The following TNKS variants were observed in gnomAD, a reference collection of about 807,000 sequenced individuals.
TNKS encodes the protein poly [ADP-ribose] polymerase tankyrase-1.
In TNKS, 72 loss-of-function variants were observed where a neutral mutation model predicts 135.8. That is an observed-to-expected ratio of 0.53 (90% confidence interval 0.44 to 0.64). The LOEUF (loss-of-function observed/expected upper bound fraction) is 0.64. Among genes scored for constraint, TNKS ranks in the 30% least tolerant of loss-of-function variants. The pLI, the probability that TNKS is intolerant of heterozygous loss-of-function variation, is 0.00. For missense variants in TNKS, 1,769 were observed against 1,674.0 expected (o/e 1.06, Z -0.99); for synonymous variants, 849 against 649.3 (o/e 1.31, Z -4.68).
intron 3 of TNKS, among the ~76,000 whole-genome samples, chr8:9,668,616 G>A (rs1199735655): frequency 1.3e-5 from 2 of 152,246 alleles, no homozygotes; most frequent in Non-Finnish European, 2.9e-5. Context: ...CCCTTTGACA[G>A]TGTTTTTAAC....
rs568065151 is a variant in TNKS at position 9,574,924 on chromosome 8, C to G, written c.674-5235C>G. ...CTTGTCTGAGAACCTAGATATGAGG[C>G]TTAGAAATATAGCACTCTTGTGACT... On this transcript the variant is annotated intron_variant, in intron 1 of 26. Coordinates refer to ENST00000310430, the MANE Select transcript of TNKS (RefSeq NM_003747.3). 1,372 of 544,660 alleles carry G rather than the reference C, an allele frequency of 2.5e-3. 4 individuals carry two copies. The highest frequency in any genetic ancestry group is 3.0e-3 in the Non-Finnish European group (1,273 of 427,758). The allele number at this position is 544,660 out of a possible 1,614,324, so 33.7% of individuals were successfully genotyped here. A position where few individuals can be genotyped will look rare whatever the true frequency, so the allele number is the denominator to read the frequency against.
intron 2 of TNKS, among the ~76,000 whole-genome samples, chr8:9,588,342 T>C (rs933887040): frequency 3.9e-5 from 6 of 152,140 alleles, no homozygotes; most frequent in Non-Finnish European, 8.8e-5. Context: ...TGGCGGGATC[T>C]AGGCTCACTG....
chr8:9,597,383 G>T (rs951778458), intron 2 of TNKS, among the ~76,000 whole-genome samples: 5 of 152,212 alleles, frequency 3.3e-5, no homozygotes, highest in Non-Finnish European at 7.3e-5. Context: ...CTCAATCAAA[G>T]CTCAGTGAAG....
chr8:9,572,952 G>A (rs1797812235), intron 1 of TNKS, among the ~76,000 whole-genome samples: 1 of 152,012 alleles, frequency 6.6e-6, no homozygotes, highest in Admixed American at 6.6e-5. Context: ...TCATTGTTAA[G>A]AATTTTTGTT....
In TNKS at chr8:9,727,230, G is replaced by C. The variant is rs185550533; in HGVS notation, c.2001+510G>C. 2.6e-5 allele frequency among the ~76,000 whole-genome samples: 4 copies of C among 152,254 alleles called. No individual in the cohort carries two copies. The South Asian group carries it at 8.3e-4, about 32-fold the overall frequency. ...TATGCAGAAGATAGATTTTTTCCCT[G>C]TGTAGCTCTACTTGCTTCAAAAATT... On this transcript the variant is annotated intron_variant, in intron 13 of 26. Transcript: ENST00000310430.
At chr8:9,649,204 A>G (rs1189889437) in intron 3 of TNKS, among the ~76,000 whole-genome samples, 3 of 152,240 alleles carry the variant, frequency 2.0e-5, no homozygotes. Flanking sequence ...AGTTTTGAGC[A>G]CAGAGCTACT....
At chr8:9,577,100 G>A (rs965016707) in intron 1 of TNKS, among the ~76,000 whole-genome samples, 9 of 149,512 alleles carry the variant, frequency 6.0e-5, no homozygotes, top group Non-Finnish European at 1.2e-4. Flanking sequence ...ACTGAAAAAT[G>A]TAAATAACAA....
chr8:9,706,331 G>A (rs558698648), intron 7 of TNKS, 78 bp downstream of exon 7: 38 of 1,146,424 alleles, frequency 3.3e-5, no homozygotes, highest in Admixed American at 1.3e-4. Context: ...CCATACTTTC[G>A]GCCTCATGAA....
intron 3 of TNKS, among the ~76,000 whole-genome samples, chr8:9,672,681 TACACACAC>T (rs60210743): frequency 4.7e-5 from 4 of 84,672 alleles, no homozygotes; most frequent in East Asian, 4.0e-4. Context: ...AAAAAACACA[TACACACAC>T]ACACACACAC....
At chr8:9,753,144 C>A (rs949804755) in intron 20 of TNKS, among the ~76,000 whole-genome samples, 1 of 152,144 alleles carries the variant, frequency 6.6e-6, no homozygotes, top group Non-Finnish European at 1.5e-5. Context: ...TATAAGCAGT[C>A]TAGCACTATG....
rs113809226 is a variant in TNKS at position 9,763,422 on chromosome 8, A to C, written c.3372+178A>C. 1.4e-4 allele frequency among the ~76,000 whole-genome samples: 21 copies of C among 152,266 alleles called. 2 individuals carry two copies. Among genetic ancestry groups the C allele is most frequent in the African/African-American group, 5.1e-4 (21 of 41,542 alleles). On this transcript the variant is annotated intron_variant, in intron 22 of 26. Transcript: ENST00000310430. ...AATATGACGGCGCCCCATGGTTTTC[A>C]CATCATAAGCCTAGGTTTTCTAATG...
intron 5 of TNKS, among the ~76,000 whole-genome samples, chr8:9,697,370 C>G (rs988696310): frequency 6.6e-6 from 1 of 152,050 alleles, no homozygotes; most frequent in Non-Finnish European, 1.5e-5. Context: ...CTAGGAAATA[C>G]CATCCTCAGC....
chr8:9,624,955 A>C (rs1800002592), intron 3 of TNKS, among the ~76,000 whole-genome samples: 1 of 152,106 alleles, frequency 6.6e-6, no homozygotes, highest in South Asian at 2.1e-4. Context: ...TTGCTATTTA[A>C]ATCTGTAGTT....
chr8:9,605,272 G>A (rs1799171426), intron 2 of TNKS, among the ~76,000 whole-genome samples: 1 of 151,928 alleles, frequency 6.6e-6, no homozygotes, highest in Admixed American at 6.6e-5. Context: ...TGTGTGTCTG[G>A]CTTCTTTTGC....
In TNKS at chr8:9,592,801, ACTT is replaced by A. The variant is rs531355057; in HGVS notation, c.898+12422_898+12424del. On this transcript the variant is annotated intron_variant, in intron 2 of 26. Coordinates refer to ENST00000310430, the MANE Select transcript of TNKS (RefSeq NM_003747.3). ...GGATAAGGAAGCTGAGTAATTTTCTACTTCTTGATTAGGTGATATCTTGAGATT... is the reference window on the plus strand; with the variant it reads ...GGATAAGGAAGCTGAGTAATTTTCTACTTGATTAGGTGATATCTTGAGATT... 3.1e-4 allele frequency among the ~76,000 whole-genome samples: 47 copies of A among 152,226 alleles called. 1 individual carries two copies. In the South Asian group the frequency reaches 9.3e-3, roughly 30 times the overall value.
At chr8:9,601,320 A>G (rs1799007423) in intron 2 of TNKS, among the ~76,000 whole-genome samples, 1 of 152,220 alleles carries the variant, frequency 6.6e-6, no homozygotes, top group Admixed American at 6.5e-5. Context: ...ACACGTGTTA[A>G]AACTTTGAAT....
In TNKS at chr8:9,734,908, CT is replaced by C; in HGVS notation, c.2360del (p.Leu787TrpfsTer4). On this transcript the variant is annotated frameshift_variant, in exon 16 of 27. Coordinates refer to ENST00000310430, the MANE Select transcript of TNKS (RefSeq NM_003747.3). LOFTEE classifies it high-confidence loss of function. ...PTKKNRDGNT[P>X]LDLVKEGDTD... ...AAAAAGAACAGAGATGGAAATACAC[CT>C]TTGGATTTGGTAAAGGAAGGAGACA... 6.2e-7 allele frequency: 1 copy of C among 1,614,044 alleles called. No homozygotes were observed.
intron 2 of TNKS, among the ~76,000 whole-genome samples, chr8:9,614,056 A>C (rs543252254): frequency 4.6e-5 from 7 of 152,188 alleles, no homozygotes; most frequent in Non-Finnish European, 1.0e-4. Flanking sequence ...AACTAAATAA[A>C]GTTAGAGATA....
At chr8:9,679,766 G>T (rs1291325033) in intron 3 of TNKS, 185 bp from the exon 4 acceptor site, 1 of 512,258 alleles carries the variant, frequency 2.0e-6, no homozygotes, top group Non-Finnish European at 3.5e-6. Flanking sequence ...TCAATTTGCT[G>T]CCCGTCTCCA....
Sources: gnomAD v4.1 joint callset for allele counts (sites outside exome capture counted in the v4.1 genomes callset) on GRCh38, gnomAD v4.1.1 for gene constraint, MANE v1.5 for transcripts, NCBI Gene and HGNC (gene_info 2026-07-23, HGNC 2026-07-21) for gene names.